The following ARAF variants were observed in gnomAD, a reference collection of about 807,000 sequenced individuals.
The protein encoded by ARAF is A-Raf proto-oncogene, serine/threonine kinase, also known as serine/threonine-protein kinase A-Raf.
A neutral mutation model predicts 48.0 loss-of-function variants in ARAF; 18 were observed. The ratio of observed to expected loss-of-function variants is 0.37; its 90% CI spans 0.26 to 0.56. ARAF has a LOEUF of 0.56. Ranked by LOEUF, ARAF falls within the 20% of genes least tolerant of loss-of-function variation. The pLI, the probability that ARAF is intolerant of heterozygous loss-of-function variation, is 0.77. For synonymous variants in ARAF, 207 were observed against 220.1 expected, an observed-to-expected ratio of 0.94 and a Z score of 0.53; for missense variants, 389 against 543.1, an observed-to-expected ratio of 0.72 and a Z score of 2.82.
At position 47,565,127 on chromosome X, in the gene ARAF, C is replaced by G; in HGVS notation, c.446C>G (p.Thr149Ser). 10 of 1,211,078 alleles carry G rather than the reference C, an allele frequency of 8.3e-6. No individual in the cohort carries two copies. Among genetic ancestry groups the G allele is most frequent in the Non-Finnish European group, 8.9e-6 (8 of 895,108 alleles). ...CCCACAGTCTGTGTTGACATGAGTA[C>G]CAACCGCCAACAGTGAGCCCAGCCT... is the stretch of plus-strand genomic sequence containing the variant. Reference protein sequence around the residue: ...KVPTVCVDMSTNRQQFYHSVQ... With the variant: ...KVPTVCVDMSSNRQQFYHSVQ... The change falls in exon 5 of 16, where the codon ACC becomes AGC. Residue 149 changes from threonine (T) to serine (S), a missense_variant. By Grantham distance (58) the Thr-to-Ser change is moderately conservative (BLOSUM62 1). Around this residue, in one of 4 missense-constraint regions of ARAF, gnomAD observed 154 missense variants for 133.6 expected, o/e 1.15. Transcript: ENST00000377045.
At chrX:47,562,152 CCT>C (rs776688690) in intron 1 of ARAF, among the ~76,000 whole-genome samples, 1 of 109,919 alleles carries the variant, frequency 9.1e-6, no homozygotes, top group Non-Finnish European at 1.9e-5. Context: ...ATCTGATAAT[CCT>C]CTCTTTCCCA....
At chrX:47,566,567 CTGGGGGTGGGG>C in intron 6 of ARAF, 61 bp from the exon 7 acceptor site, 1 of 1,047,681 alleles carries the variant, frequency 9.5e-7, no homozygotes, top group Non-Finnish European at 1.3e-6. Context: ...ATGTTTATGG[CTGGGGGTGGGG>C]TGGGGGGCTT....
In ARAF at chrX:47,565,279, C is replaced by T. The variant is rs764809054; in HGVS notation, c.486C>T (p.Ser162=). The T allele has an allele frequency of 6.9e-5, 83 of 1,211,608 alleles. No individual in the cohort carries two copies. The highest frequency in any genetic ancestry group is 8.4e-5 in the Non-Finnish European group (75 of 895,436). The change falls in exon 6 of 16, where the codon TCC becomes TCT. Residue 162 remains serine (S), a synonymous_variant. Coordinates refer to ENST00000377045, the MANE Select transcript of ARAF (RefSeq NM_001654.5). The part of the protein sequence containing the change: ...QQFYHSVQDL[S]GGSRQHEAPS... Reference sequence around the variant, plus strand: ...TCTACCACAGTGTCCAGGATTTGTCCGGAGGCTCCAGACAGCATGAGGCTC... The same window carrying T: ...TCTACCACAGTGTCCAGGATTTGTCTGGAGGCTCCAGACAGCATGAGGCTC...
At chrX:47,568,601 A>G (rs1288826142) in intron 10 of ARAF, 117 bp from the exon 11 acceptor site, 5 of 817,044 alleles carry the variant, frequency 6.1e-6, no homozygotes, top group Non-Finnish European at 8.8e-6. Context: ...GTGCCCCAAA[A>G]GACAGGGTGA....
intron 3 of ARAF, among the ~76,000 whole-genome samples, chrX:47,564,045 T>C (rs1172141955): frequency 1.8e-5 from 2 of 112,445 alleles, no homozygotes; most frequent in African/African-American, 3.2e-5. Flanking sequence ...TTAAAACTTA[T>C]GAATTGTTTA....
In ARAF at chrX:47,569,909, G is replaced by A. The variant is rs11551158; in HGVS notation, c.1436G>A (p.Arg479His). The A allele has an allele frequency of 8.3e-7, 1 of 1,207,238 alleles. No individual in the cohort carries two copies. Among genetic ancestry groups the A allele is most frequent in the Non-Finnish European group, 1.1e-6 (1 of 893,621 alleles). Residue 479 changes from arginine to histidine, a missense_variant, in exon 14 of 16, where the codon CGT becomes CAT. By Grantham distance (29) the Arg-to-His change is conservative (BLOSUM62 0). Coordinates refer to ENST00000377045, the MANE Select transcript of ARAF (RefSeq NM_001654.5). ...SVLWMAAEVI[R>H]MQDPNPYSFQ... is the part of the protein sequence containing the mutation. ...CTGTTGTAGGCAGCTGAGGTGATCCGTATGCAGGACCCGAACCCCTACAGC... is the reference window on the plus strand; with the variant it reads ...CTGTTGTAGGCAGCTGAGGTGATCCATATGCAGGACCCGAACCCCTACAGC...
chrX:47,567,937 C>T (rs1377214547), intron 10 of ARAF, among the ~76,000 whole-genome samples: 2 of 111,341 alleles, frequency 1.8e-5, no homozygotes, highest in South Asian at 3.8e-4. Context: ...CATCTAGTCA[C>T]GCTAAGAAAG....
At chrX:47,563,460 T>C in intron 3 of ARAF, 131 bp downstream of exon 3, 2 of 530,957 alleles carry the variant, frequency 3.8e-6, no homozygotes, top group Admixed American at 6.0e-5. Context: ...TCCCCCCTTA[T>C]CTGCAGGGTA....
chrX:47,567,143 G>C lies in ARAF; in HGVS notation c.873+12G>C. On this transcript the variant is annotated intron_variant, in intron 9 of 15. Transcript: ENST00000377045. ...ACAAGAAGAAAGTGGTATGCTCGAGGGGGATCCTTTTGGGGCCACCAAGGC... is the reference window on the plus strand; with the variant it reads ...ACAAGAAGAAAGTGGTATGCTCGAGCGGGATCCTTTTGGGGCCACCAAGGC... The C allele has an allele frequency of 8.3e-7, 1 of 1,210,199 alleles. No homozygotes were observed. Among genetic ancestry groups the C allele is most frequent in the South Asian group, 1.8e-5 (1 of 56,917 alleles).
chrX:47,562,507 A>AAC (rs1446772318), intron 1 of ARAF, among the ~76,000 whole-genome samples: 1,546 of 107,879 alleles, frequency 0.014, 35 homozygotes, highest in African/African-American at 0.05. Flanking sequence ...AACAGAAAAA[A>AAC]AAAAAAAAAA....
At chrX:47,571,191 G>A (rs1410703792) in intron 15 of ARAF, 132 bp from the exon 16 acceptor site, 6 of 984,763 alleles carry the variant, frequency 6.1e-6, no homozygotes, top group African/African-American at 2.1e-5. Flanking sequence ...TGTGTGTTTC[G>A]CCATGAGGCT....
chrX:47,561,756 G>A (rs772352972), intron 1 of ARAF, among the ~76,000 whole-genome samples: 3 of 107,499 alleles, frequency 2.8e-5, no homozygotes, highest in East Asian at 3.0e-4. Context: ...ACCCCTCACA[G>A]GTTGTCAAGG....
chrX:47,571,410 G>A lies in ARAF; in HGVS notation c.1774G>A (p.Asp592Asn), dbSNP rs2147910430. 2.5e-6 allele frequency: 3 copies of A among 1,208,831 alleles called. No individual in the cohort carries two copies. The highest frequency in any genetic ancestry group is 2.2e-5 in the Admixed American group (1 of 45,782). The change falls in exon 16 of 16, where the codon GAT becomes AAT. Residue 592 changes from aspartate to asparagine, a missense_variant. Asp to Asn is a conservative substitution (Grantham distance 23, BLOSUM62 1). This residue lies in a region of ARAF where 170 missense variants were observed against 281.4 expected (regional missense o/e 0.60). Coordinates refer to ENST00000377045, the MANE Select transcript of ARAF (RefSeq NM_001654.5). ...SEPSLHRTQA[D>N]ELPACLLSAA... ...ACCCTCCTTGCACCGCACCCAGGCC[G>A]ATGAGTTGCCTGCCTGCCTACTCAG...
Position 47,571,351 on chromosome X carries a change from G to A in ARAF, c.1715G>A (p.Arg572Gln), listed in dbSNP as rs1488217404. The change falls in exon 16 of 16, where the codon CGG (arginine) becomes CAG (glutamine). Residue 572 changes from arginine (R) to glutamine (Q), a missense_variant. Physicochemically the swap from Arg to Gln is conservative, Grantham distance 43. Around this residue, in one of 4 missense-constraint regions of ARAF, gnomAD observed 170 missense variants for 281.4 expected, o/e 0.60. Transcript: ENST00000377045. ...CTGGCCACAATTGAGCTGCTGCAAC[G>A]GTCACTCCCCAAGATTGAGCGGAGT... ...QILATIELLQ[R>Q]SLPKIERSAS... is the part of the protein sequence containing the mutation. 3.3e-6 allele frequency: 4 copies of A among 1,210,511 alleles called. No individual in the cohort carries two copies. The highest frequency in any genetic ancestry group is 2.3e-4 in the Middle Eastern group (1 of 4,350).
intron 6 of ARAF, chrX:47,565,951 A>G: frequency 1.3e-5 from 2 of 155,028 alleles, no homozygotes; most frequent in Non-Finnish European, 2.2e-5. Flanking sequence ...TGATACATAA[A>G]ATAAAGTTAG....
At chrX:47,571,150 T>C in intron 15 of ARAF, 138 bp downstream of exon 15, 3 of 949,704 alleles carry the variant, frequency 3.2e-6, no homozygotes, top group Non-Finnish European at 4.3e-6. Context: ...TGTTTCACCA[T>C]GAGGCTGGGA....
chrX:47,571,643 C>CAGGGGGCTCAGTCTT lies in ARAF; in HGVS notation c.*186_*187insAGGGGGCTCAGTCTT. On this transcript the variant is annotated 3_prime_UTR_variant, in exon 16 of 16. Transcript: ENST00000377045. Reference sequence around the variant, plus strand: ...GGAATTGGGGGACCCCCGCCAAAGACTGAGCCCCCTGTCTCCTCCATCATT... The same window carrying CAGGGGGCTCAGTCTT: ...GGAATTGGGGGACCCCCGCCAAAGACAGGGGGCTCAGTCTTTGAGCCCCCTGTCTCCTCCATCATT... 1 of 595,612 alleles carries CAGGGGGCTCAGTCTT rather than the reference C, an allele frequency of 1.7e-6. No homozygotes were observed. The highest frequency in any genetic ancestry group is 2.5e-6 in the Non-Finnish European group (1 of 403,636). 49.1% of individuals were successfully genotyped at this position (595,612 alleles called of 1,213,427 possible).
intron 1 of ARAF, among the ~76,000 whole-genome samples, 161 bp from the exon 2 acceptor site, chrX:47,562,747 TG>T (rs2057715488): frequency 1.8e-5 from 2 of 111,836 alleles, no homozygotes; most frequent in African/African-American, 3.2e-5. Flanking sequence ...GAGAAGGAAC[TG>T]GAAGGACTTC....
intron 10 of ARAF, 124 bp downstream of exon 10, chrX:47,567,556 A>C: frequency 1.3e-6 from 1 of 791,329 alleles, no homozygotes; most frequent in Non-Finnish European, 1.8e-6. Context: ...CCATCATCAG[A>C]AGTTGTTTCT....
Sources: allele counts gnomAD v4.1 joint callset (sites outside exome capture counted in the v4.1 genomes callset), GRCh38; gene constraint gnomAD v4.1.1; regional missense constraint gnomAD v4.1.1; transcripts MANE v1.5; gene names NCBI Gene and HGNC (gene_info 2026-07-23, HGNC 2026-07-21).